The following ARHGAP32 variants were observed in gnomAD, a reference collection of about 807,000 sequenced individuals.
ARHGAP32 encodes Rho GTPase activating protein 32.
Under a neutral mutation model 186.5 loss-of-function variants are expected in ARHGAP32, and 51 were observed. The observed-to-expected ratio is 0.27, with a 90% CI of 0.22 to 0.35. ARHGAP32 has a LOEUF of 0.35. Among genes scored for constraint, ARHGAP32 ranks in the 10% least tolerant of loss-of-function variants. The probability of loss-of-function intolerance (pLI) is 1.00; values close to 1 mark genes in which losing one functional copy is unlikely to be tolerated. For synonymous variants in ARHGAP32, 950 were observed against 964.3 expected (o/e 0.99, Z 0.27); for missense variants, 2,186 against 2,623.5 (o/e 0.83, Z 3.64).
chr11:128,997,661 ATTC>A (rs1946237790), intron 12 of ARHGAP32, among the ~76,000 whole-genome samples: 1 of 152,148 alleles, frequency 6.6e-6, no homozygotes, highest in Non-Finnish European at 1.5e-5. Context: ...CAACAACTAA[ATTC>A]TTGATTCATA....
intron 6 of ARHGAP32, among the ~76,000 whole-genome samples, chr11:129,071,680 A>G (rs1940871170): frequency 6.6e-6 from 1 of 152,162 alleles, no homozygotes; most frequent in Non-Finnish European, 1.5e-5. Flanking sequence ...TAAAAATAGA[A>G]TTACCATATG....
At chr11:129,199,518 C>T (rs1413415004) in intron 1 of ARHGAP32, among the ~76,000 whole-genome samples, 1 of 152,262 alleles carries the variant, frequency 6.6e-6, no homozygotes, top group Non-Finnish European at 1.5e-5. Context: ...TCAGAGGGTG[C>T]AAGCCCCAAT....
chr11:129,042,457 T>C (rs181746423), intron 10 of ARHGAP32, among the ~76,000 whole-genome samples: 2 of 152,332 alleles, frequency 1.3e-5, no homozygotes, highest in Admixed American at 6.5e-5. Flanking sequence ...TTCTTTAATA[T>C]ATTCTACTCA....
intron 11 of ARHGAP32, among the ~76,000 whole-genome samples, chr11:129,021,697 G>A (rs977443450): frequency 6.6e-6 from 1 of 151,992 alleles, no homozygotes; most frequent in Non-Finnish European, 1.5e-5. Context: ...CCTGCTAAAA[G>A]TGATACTAAT....
chr11:128,998,183 T>G, intron 12 of ARHGAP32, 136 bp downstream of exon 12: 3 of 641,264 alleles, frequency 4.7e-6, no homozygotes. Context: ...ACTGAGTACC[T>G]GAGAAAGCTT....
intron 1 of ARHGAP32, among the ~76,000 whole-genome samples, chr11:129,232,225 C>T (rs973571948): frequency 2.6e-5 from 4 of 152,010 alleles, no homozygotes; most frequent in East Asian, 1.9e-4. Flanking sequence ...AGATTATCTA[C>T]GTATCAGTTA....
At chr11:129,278,969 C>T (rs1191240451) in intron 1 of ARHGAP32, among the ~76,000 whole-genome samples, 1 of 145,318 alleles carries the variant, frequency 6.9e-6, no homozygotes, top group Non-Finnish European at 1.5e-5. Flanking sequence ...CCCGGGAGGC[C>T]GGGGAGATGG....
chr11:129,237,488 C>T (rs140487787), intron 1 of ARHGAP32, among the ~76,000 whole-genome samples: 2 of 152,242 alleles, frequency 1.3e-5, no homozygotes, highest in East Asian at 1.9e-4. Context: ...AGTGCTTTAG[C>T]GTGTTAAAGG....
Position 129,040,983 on chromosome 11 carries a change from A to G in ARHGAP32, c.990T>C (p.Val330=). 1.9e-6 allele frequency: 3 copies of G among 1,603,288 alleles called. No homozygotes were observed. The highest frequency in any genetic ancestry group is 2.6e-6 in the Non-Finnish European group (3 of 1,174,494). The change falls in exon 11 of 23, where the codon GTT becomes GTC. Residue 330 remains valine, a synonymous_variant. Transcript: ENST00000682385. ...GGGGAACTTTTTGGTTAATTAACTC[A>G]ACACAGTGTCCAGGGAAGAGTCCCA... ...FQVGLFPGHC[V]ELINQKVPQS... is the part of the protein sequence containing the mutation.
chr11:129,080,185 A>T (rs1941180405), intron 6 of ARHGAP32, among the ~76,000 whole-genome samples: 1 of 152,160 alleles, frequency 6.6e-6, no homozygotes, highest in Non-Finnish European at 1.5e-5. Context: ...ACAGCACTAA[A>T]TAGGTCATCA....
At position 129,179,530 on chromosome 11, in the gene ARHGAP32, A is replaced by T. The variant is rs539932408; in HGVS notation, c.116+12553T>A. 8.6e-4 allele frequency among the ~76,000 whole-genome samples: 131 copies of T among 151,534 alleles called. 1 individual carries two copies. Among genetic ancestry groups the T allele is most frequent in the African/African-American group, 3.1e-3 (127 of 41,440 alleles). On this transcript the variant is annotated intron_variant, in intron 1 of 22. Transcript: ENST00000682385. ...TGCGGCATTATTCATGATAGCAAAG[A>T]CTTGGAACCAACCCAAATGTCCAAC... is the stretch of plus-strand genomic sequence containing the variant.
chr11:129,077,734 T>A (rs140342900), intron 6 of ARHGAP32, among the ~76,000 whole-genome samples: 7 of 152,188 alleles, frequency 4.6e-5, no homozygotes, highest in Non-Finnish European at 8.8e-5. Flanking sequence ...ACATAATCCC[T>A]TGGGAACTCC....
chr11:129,226,217 A>G (rs756315157), intron 1 of ARHGAP32, among the ~76,000 whole-genome samples: 5 of 152,194 alleles, frequency 3.3e-5, no homozygotes, highest in African/African-American at 4.8e-5. Flanking sequence ...GAACAGAAGG[A>G]CTATTTAAAG....
At chr11:129,212,127 C>A (rs750948309) in intron 1 of ARHGAP32, among the ~76,000 whole-genome samples, 2 of 152,026 alleles carry the variant, frequency 1.3e-5, no homozygotes, top group Non-Finnish European at 2.9e-5. Flanking sequence ...TGCACTCCAG[C>A]CTGGGTGACA....
chr11:129,079,524 G>C (rs1941157373), intron 6 of ARHGAP32, among the ~76,000 whole-genome samples: 1 of 152,078 alleles, frequency 6.6e-6, no homozygotes, highest in Admixed American at 6.6e-5. Context: ...AGAAAAAAAA[G>C]TTTTTTTCAG....
chr11:128,965,433 T>C lies in ARHGAP32; in HGVS notation c.*3474A>G, dbSNP rs2136044869. 1.3e-5 allele frequency: 2 copies of C among 152,336 alleles called. No individual in the cohort carries two copies. Among genetic ancestry groups the C allele is most frequent in the Non-Finnish European group, 2.9e-5 (2 of 68,034 alleles). 9.4% of individuals were successfully genotyped at this position (152,336 alleles called of 1,614,324 possible). A position where few individuals can be genotyped will look rare whatever the true frequency, so the allele number is the denominator to read the frequency against. Reference sequence around the variant, plus strand: ...AAGTATGATCTAAGACTTCCTAGGATGCTTCTCTCATGCAGGTCATGGTTG... The same window carrying C: ...AAGTATGATCTAAGACTTCCTAGGACGCTTCTCTCATGCAGGTCATGGTTG... On this transcript the variant is annotated 3_prime_UTR_variant, in exon 23 of 23. Coordinates refer to ENST00000682385, the MANE Select transcript of ARHGAP32 (RefSeq NM_001378024.1).
chr11:129,267,963 C>T (rs538676995), intron 1 of ARHGAP32, among the ~76,000 whole-genome samples: 5 of 152,082 alleles, frequency 3.3e-5, no homozygotes, highest in Non-Finnish European at 7.3e-5. Context: ...TCACCCCCCA[C>T]CCACGGAAGG....
At chr11:128,971,319 A>C (rs1257376173) in intron 22 of ARHGAP32, 160 bp from the exon 23 acceptor site, 4 of 596,306 alleles carry the variant, frequency 6.7e-6, no homozygotes, top group Admixed American at 6.3e-5. Context: ...TAGGAAAAGA[A>C]GGCTTGTGCT....
In ARHGAP32 at chr11:129,008,201, AT is replaced by A. The variant is rs994075687; in HGVS notation, c.1046-9734del. 1.2e-4 allele frequency among the ~76,000 whole-genome samples: 19 copies of A among 152,134 alleles called. No homozygotes were observed. In the East Asian group the frequency reaches 1.7e-3, roughly 14 times the overall value. The stretch of plus-strand genomic sequence containing the variant: ...ATCAGGTACTATGAGTGCTCACCTG[AT>A]TTTTGGTTTCTTTGAGGGTATTTTT... On this transcript the variant is annotated intron_variant, in intron 11 of 22. Coordinates refer to ENST00000682385, the MANE Select transcript of ARHGAP32 (RefSeq NM_001378024.1).
Sources: allele counts gnomAD v4.1 joint callset (sites outside exome capture counted in the v4.1 genomes callset), GRCh38; gene constraint gnomAD v4.1.1; transcripts MANE v1.5; gene names NCBI Gene and HGNC (gene_info 2026-07-23, HGNC 2026-07-21).